Variants in PARP6 observed in about 807,000 individuals in gnomAD.
The protein encoded by PARP6 is protein mono-ADP-ribosyltransferase PARP6.
A neutral mutation model predicts 92.0 loss-of-function variants in PARP6; 27 were observed. That is an observed-to-expected ratio of 0.29 (90% CI 0.22 to 0.40). PARP6 has a LOEUF of 0.40. Among genes scored for constraint, PARP6 ranks in the 10% least tolerant of loss-of-function variants. The pLI, the probability that PARP6 is intolerant of heterozygous loss-of-function variation, is 1.00. For synonymous variants in PARP6, 272 were observed against 281.2 expected, an observed-to-expected ratio of 0.97 and a Z score of 0.33; for missense variants, 501 against 784.5, an observed-to-expected ratio of 0.64 and a Z score of 4.32.
At chr15:72,258,610 G>A (rs1300512645) in intron 11 of PARP6, among the ~76,000 whole-genome samples, 8 of 152,368 alleles carry the variant, frequency 5.3e-5, no homozygotes, top group East Asian at 3.8e-4. Context: ...AAGGTCCTGA[G>A]AAGCCATTTC....
intron 1 of PARP6, among the ~76,000 whole-genome samples, chr15:72,271,743 G>A (rs1008814834): frequency 5.4e-4 from 82 of 152,334 alleles, no homozygotes; most frequent in African/African-American, 2.0e-3. Context: ...TCTAAATGAG[G>A]TAAAGAATGG....
chr15:72,253,412 G>C lies in PARP6; in HGVS notation c.1259+25C>G, dbSNP rs373203669. The C allele has an allele frequency of 1.9e-6, 3 of 1,586,374 alleles. No individual in the cohort carries two copies. The South Asian group carries it at 3.3e-5, about 18-fold the overall frequency. ...AACTCCCTCCCTCCCCATAACCCAAGAAGGATGAGCCATTCTATCCATACC... is the reference window on the plus strand; with the variant it reads ...AACTCCCTCCCTCCCCATAACCCAACAAGGATGAGCCATTCTATCCATACC... On this transcript the variant is annotated intron_variant, in intron 16 of 23. Transcript: ENST00000569795.
chr15:72,260,294 GAC>G (rs2085689457), intron 10 of PARP6, among the ~76,000 whole-genome samples, 182 bp downstream of exon 10: 2 of 152,140 alleles, frequency 1.3e-5, no homozygotes, highest in South Asian at 4.1e-4. Flanking sequence ...CAGCCTGGAT[GAC>G]AGAGTGAGAC....
chr15:72,265,550 A>G, intron 5 of PARP6, 77 bp from the exon 6 acceptor site: 1 of 1,152,714 alleles, frequency 8.7e-7, no homozygotes, highest in Admixed American at 1.7e-5. Flanking sequence ...TGGAAAGAGA[A>G]CTGAGCCTGG....
rs930069909 is a variant in PARP6, at chr15:72,272,536, G to T, written c.-603C>A. ...CGGGCCGCGCGCGGCCGCAGCCGACGGGACGAGCGGCCCGGGACGCCCCGC... is the reference window on the plus strand; with the variant it reads ...CGGGCCGCGCGCGGCCGCAGCCGACTGGACGAGCGGCCCGGGACGCCCCGC... On this transcript the variant is annotated 5_prime_UTR_variant, in exon 1 of 24. Coordinates refer to ENST00000569795, the MANE Select transcript of PARP6 (RefSeq NM_001323532.2). 6 of 150,984 alleles carry T rather than the reference G, an allele frequency of 4.0e-5. No individual in the cohort carries two copies. The East Asian group carries it at 1.2e-3, about 29-fold the overall frequency. The allele number at this position is 150,984 out of a possible 1,614,324, so 9.4% of individuals were successfully genotyped here.
Position 72,242,226 on chromosome 15 carries a change from A to G in PARP6, c.1642-6T>C. On this transcript the variant is annotated splice_region_variant and splice_polypyrimidine_tract_variant and intron_variant, in intron 21 of 23. Transcript: ENST00000569795. The surrounding 1 kb of genome is among the most constrained non-coding windows in gnomAD (Gnocchi z 4.3). ...CGTGACTGAATGGATCGGGTCTGGA[A>G]GAGAAGGAGGCAAAGGAGACCAGAG... 6.2e-7 allele frequency: 1 copy of G among 1,613,798 alleles called. No individual in the cohort carries two copies. Among genetic ancestry groups the G allele is most frequent in the South Asian group, 1.1e-5 (1 of 91,066 alleles).
intron 12 of PARP6, 93 bp downstream of exon 12, chr15:72,257,944 T>C (rs2085342716): frequency 2.2e-6 from 2 of 919,002 alleles, no homozygotes; most frequent in Non-Finnish European, 3.6e-6. Context: ...AGACAGAATT[T>C]TACCTTGACC....
At chr15:72,258,420 T>C (rs2085413390) in intron 11 of PARP6, among the ~76,000 whole-genome samples, 1 of 152,220 alleles carries the variant, frequency 6.6e-6, no homozygotes, top group African/African-American at 2.4e-5. Flanking sequence ...ACCTGAGCCT[T>C]GGTTTCTTTG....
intron 8 of PARP6, 56 bp downstream of exon 8, chr15:72,264,499 C>T: frequency 7.5e-7 from 1 of 1,324,796 alleles, no homozygotes; most frequent in Non-Finnish European, 1.1e-6. Flanking sequence ...CCATATATTT[C>T]CACCTCTCTC....
rs754103965 is a variant in PARP6, at chr15:72,258,099, A to G, written c.844T>C (p.Leu282=). The G allele has an allele frequency of 1.9e-6, 3 of 1,613,916 alleles. No individual in the cohort carries two copies. Among genetic ancestry groups the G allele is most frequent in the African/African-American group, 1.3e-5 (1 of 75,054 alleles). ...TCACACACCACACAGTACTCATTCA[A>G]TGTTGGAATCCTCTGTTCTGCATAC... is the stretch of plus-strand genomic sequence containing the variant. ...MKYAEQRIPT[L]NEYCVVCDEQ... Residue 282 remains leucine (L), a synonymous_variant, in exon 12 of 24, where the codon TTG becomes CTG. Transcript: ENST00000569795.
At chr15:72,251,826 C>T (rs1042010211) in intron 16 of PARP6, among the ~76,000 whole-genome samples, 2 of 152,192 alleles carry the variant, frequency 1.3e-5, no homozygotes, top group African/African-American at 4.8e-5. Context: ...AAGCTCTATA[C>T]AGGCTGAACA....
At chr15:72,261,833 G>T in intron 8 of PARP6, 126 bp from the exon 9 acceptor site, 1 of 857,758 alleles carries the variant, frequency 1.2e-6, no homozygotes, top group Non-Finnish European at 1.9e-6. Flanking sequence ...AGGGGAATGT[G>T]TATCTGAAGA....
chr15:72,246,840 C>T (rs1040952588), intron 20 of PARP6, among the ~76,000 whole-genome samples: 1 of 151,936 alleles, frequency 6.6e-6, no homozygotes, highest in Admixed American at 6.6e-5. Context: ...CTGCAACCTC[C>T]GCCTCCCAGA....
intron 1 of PARP6, among the ~76,000 whole-genome samples, chr15:72,271,508 A>G (rs1597205398): frequency 6.6e-6 from 1 of 152,196 alleles, no homozygotes; most frequent in Non-Finnish European, 1.5e-5. Context: ...GATCACAAAC[A>G]CTTTTTAAAA....
chr15:72,259,436 G>A (rs2085558059), intron 11 of PARP6, among the ~76,000 whole-genome samples, 172 bp downstream of exon 11: 1 of 152,224 alleles, frequency 6.6e-6, no homozygotes, highest in Non-Finnish European at 1.5e-5. Context: ...TGTCTTTCTA[G>A]TAATGCTGTC....
chr15:72,244,705 C>T (rs1000182470), intron 20 of PARP6: 5 of 152,198 alleles, frequency 3.3e-5, no homozygotes, highest in African/African-American at 1.2e-4. Flanking sequence ...GTAAGTGGAA[C>T]ATTTGCACAC....
chr15:72,256,689 C>G, intron 13 of PARP6, 99 bp from the exon 14 acceptor site: 1 of 1,036,752 alleles, frequency 9.6e-7, no homozygotes, highest in Non-Finnish European at 1.3e-6. Context: ...TTTTAAAAAG[C>G]AAATATGTTT....
chr15:72,254,087 T>C, intron 15 of PARP6: 1 of 472,806 alleles, frequency 2.1e-6, no homozygotes, highest in South Asian at 1.5e-5. Flanking sequence ...GGATAGAAGA[T>C]GTAGGCCCCT....
At chr15:72,252,693 C>A (rs1457830967) in intron 16 of PARP6, among the ~76,000 whole-genome samples, 1 of 152,142 alleles carries the variant, frequency 6.6e-6, no homozygotes, top group African/African-American at 2.4e-5. Flanking sequence ...CCATGTTGGT[C>A]AGGCTGGTCT....
Sources: allele counts gnomAD v4.1 joint callset (sites outside exome capture counted in the v4.1 genomes callset), GRCh38; gene constraint gnomAD v4.1.1; non-coding constraint Gnocchi (gnomAD v3.1); transcripts MANE v1.5; gene names NCBI Gene and HGNC (gene_info 2026-07-23, HGNC 2026-07-21).